PLXNA2: variants seen among roughly 807,000 people sequenced by gnomAD.
PLXNA2 encodes the protein plexin A2, also known as plexin-A2.
In PLXNA2, 91 loss-of-function variants were observed where a neutral mutation model predicts 193.5. The observed-to-expected ratio is 0.47, with a 90% CI of 0.40 to 0.56. The LOEUF (loss-of-function observed/expected upper bound fraction) is 0.56. Among genes scored for constraint, PLXNA2 ranks in the 20% least tolerant of loss-of-function variants. The pLI, the probability that PLXNA2 is intolerant of heterozygous loss-of-function variation, is 0.00. For synonymous variants in PLXNA2, 997 were observed against 1,027.3 expected, an observed-to-expected ratio of 0.97 and a Z score of 0.56; for missense variants, 1,995 against 2,503.2, an observed-to-expected ratio of 0.80 and a Z score of 4.33.
At chr1:208,165,993 A>G (rs1669291828) in intron 3 of PLXNA2, among the ~76,000 whole-genome samples, 1 of 152,178 alleles carries the variant, frequency 6.6e-6, no homozygotes, top group South Asian at 2.1e-4. Context: ...CGATGAACTG[A>G]GAGTTACTTC....
intron 9 of PLXNA2, among the ~76,000 whole-genome samples, chr1:208,086,872 A>C (rs889306324): frequency 6.6e-5 from 10 of 151,694 alleles, no homozygotes; most frequent in Non-Finnish European, 1.3e-4. Context: ...TCCTGTTAGC[A>C]GCTAAAATAT....
chr1:208,071,825 A>T (rs1665988185), intron 12 of PLXNA2, among the ~76,000 whole-genome samples: 2 of 152,200 alleles, frequency 1.3e-5, no homozygotes. Flanking sequence ...AAGCTGGCTG[A>T]CTTATTTATT....
intron 4 of PLXNA2, among the ~76,000 whole-genome samples, chr1:208,136,497 C>A (rs746928659): frequency 2.6e-5 from 4 of 152,150 alleles, no homozygotes; most frequent in Admixed American, 2.6e-4. Flanking sequence ...CTTTCTGGCC[C>A]GGTGTCCATG....
intron 1 of PLXNA2, among the ~76,000 whole-genome samples, chr1:208,221,544 T>C (rs529172538): frequency 7.9e-4 from 120 of 152,268 alleles, no homozygotes; most frequent in African/African-American, 2.6e-3. Flanking sequence ...ACTGCCCGCC[T>C]GGGAGCAGCT....
At chr1:208,119,670 C>A (rs1667745362) in intron 4 of PLXNA2, among the ~76,000 whole-genome samples, 1 of 152,164 alleles carries the variant, frequency 6.6e-6, no homozygotes, top group African/African-American at 2.4e-5. Context: ...AGTGCAGTGG[C>A]ACAGTCTCAG....
intron 2 of PLXNA2, among the ~76,000 whole-genome samples, chr1:208,212,811 C>T (rs1383959289): frequency 1.3e-5 from 2 of 152,222 alleles, no homozygotes; most frequent in Non-Finnish European, 2.9e-5. Context: ...CTCATCCCTA[C>T]ACTACACGCA....
intron 3 of PLXNA2, among the ~76,000 whole-genome samples, chr1:208,150,805 G>A (rs1372171715): frequency 2.0e-5 from 3 of 152,096 alleles, no homozygotes; most frequent in Non-Finnish European, 2.9e-5. Flanking sequence ...CATCTCTGGG[G>A]CCTCTCCCTT....
intron 1 of PLXNA2, among the ~76,000 whole-genome samples, chr1:208,224,428 A>G (rs532131711): frequency 6.6e-6 from 1 of 151,638 alleles, no homozygotes; most frequent in East Asian, 2.0e-4. Flanking sequence ...GGGCTGCAGG[A>G]GGTACGATTA....
intron 12 of PLXNA2, among the ~76,000 whole-genome samples, chr1:208,063,010 G>T (rs931350890): frequency 1.1e-4 from 17 of 152,052 alleles, no homozygotes; most frequent in Non-Finnish European, 2.1e-4. Context: ...TTAGTTCCTG[G>T]TTCTCTTTTA....
intron 1 of PLXNA2, among the ~76,000 whole-genome samples, chr1:208,227,729 C>T (rs1307811644): frequency 6.6e-6 from 1 of 152,146 alleles, no homozygotes; most frequent in Non-Finnish European, 1.5e-5. Context: ...GCTTTGCTAG[C>T]TTGGCAGCCG....
Position 208,104,613 on chromosome 1 carries a change from T to C in PLXNA2, c.1507-1366A>G, listed in dbSNP as rs115141070. On this transcript the variant is annotated intron_variant, in intron 4 of 31. Coordinates refer to ENST00000367033, the MANE Select transcript of PLXNA2 (RefSeq NM_025179.4). ...GACATGCCAATCTGAAGGATTGTGA[T>C]GAGCGAAAGCGATCATGGATAAGTT... Among the ~76,000 whole-genome samples the C allele has an allele frequency of 5.5e-3, 844 of 152,288 alleles. 8 individuals are homozygous for C. Among genetic ancestry groups the C allele is most frequent in the African/African-American group, 0.019 (799 of 41,554 alleles).
At chr1:208,168,481 T>C (rs1173874593) in intron 3 of PLXNA2, among the ~76,000 whole-genome samples, 2 of 152,164 alleles carry the variant, frequency 1.3e-5, no homozygotes, top group Non-Finnish European at 2.9e-5. Flanking sequence ...AAATGAATGA[T>C]ATTCCATCTC....
At chr1:208,046,883 C>A (rs1665088631) in intron 17 of PLXNA2, among the ~76,000 whole-genome samples, 1 of 151,058 alleles carries the variant, frequency 6.6e-6, no homozygotes, top group African/African-American at 2.4e-5. Context: ...GAGCACTTTG[C>A]TCAGTATGTA....
chr1:208,090,096 A>C (rs1460728895), intron 9 of PLXNA2, among the ~76,000 whole-genome samples: 2 of 152,174 alleles, frequency 1.3e-5, no homozygotes, highest in Non-Finnish European at 2.9e-5. Context: ...TGGCCCTGGC[A>C]ACCTCGCTGG....
chr1:208,119,076 T>C (rs1461613619), intron 4 of PLXNA2, among the ~76,000 whole-genome samples: 3 of 152,234 alleles, frequency 2.0e-5, no homozygotes, highest in African/African-American at 4.8e-5. Flanking sequence ...CCACGGGTGA[T>C]GCATTATCAT....
At chr1:208,111,913 C>A (rs770596422) in intron 4 of PLXNA2, among the ~76,000 whole-genome samples, 8 of 152,214 alleles carry the variant, frequency 5.3e-5, no homozygotes, top group Non-Finnish European at 8.8e-5. Flanking sequence ...GTTCCGGAGA[C>A]TGTGATTGCA....
chr1:208,037,582 C>G (rs1664712204), intron 26 of PLXNA2, among the ~76,000 whole-genome samples: 1 of 152,144 alleles, frequency 6.6e-6, no homozygotes, highest in Admixed American at 6.5e-5. Flanking sequence ...CTCTTATTTC[C>G]AGTTTCTATT....
intron 29 of PLXNA2, chr1:208,029,513 C>T (rs571043383): frequency 7.8e-4 from 775 of 998,222 alleles, no homozygotes; most frequent in Non-Finnish European, 8.8e-4. Context: ...GCGCTCCCCG[C>T]CCAGCCCGGC....
intron 4 of PLXNA2, among the ~76,000 whole-genome samples, chr1:208,128,975 G>A (rs770151712): frequency 6.6e-6 from 1 of 152,172 alleles, no homozygotes; most frequent in Non-Finnish European, 1.5e-5. Context: ...GATTACAGGC[G>A]TGAGCCACTG....
Sources: allele counts gnomAD v4.1 joint callset (sites outside exome capture counted in the v4.1 genomes callset), GRCh38; gene constraint gnomAD v4.1.1; transcripts MANE v1.5; gene names NCBI Gene and HGNC (gene_info 2026-07-23, HGNC 2026-07-21).